The following CACNA1A variants were observed in gnomAD, a reference collection of about 807,000 sequenced individuals.
CACNA1A encodes calcium voltage-gated channel subunit alpha1 A.
CACNA1A carries 57 observed loss-of-function variants against 262.4 expected under a neutral mutation model. That is an observed-to-expected ratio of 0.22 (90% confidence interval 0.18 to 0.27). CACNA1A has a LOEUF of 0.27. Ranked by LOEUF, CACNA1A falls within the 10% of genes least tolerant of loss-of-function variation. The probability of loss-of-function intolerance (pLI) is 1.00; values close to 1 mark genes in which losing one functional copy is unlikely to be tolerated. For synonymous variants in CACNA1A, 1,431 were observed against 1,419.3 expected, an observed-to-expected ratio of 1.01 and a Z score of -0.18; for missense variants, 2,526 against 3,562.8, an observed-to-expected ratio of 0.71 and a Z score of 7.41.
intron 36 of CACNA1A, among the ~76,000 whole-genome samples, chr19:13,228,127 C>G (rs940066357): frequency 1.3e-5 from 2 of 151,970 alleles, no homozygotes; most frequent in Non-Finnish European, 2.9e-5. Context: ...AGGCTGGTCT[C>G]AAACTCCTGG....
At chr19:13,501,860 G>A (rs779588297) in intron 1 of CACNA1A, among the ~76,000 whole-genome samples, 1 of 152,138 alleles carries the variant, frequency 6.6e-6, no homozygotes, top group Non-Finnish European at 1.5e-5. Context: ...ATATGAGCTC[G>A]TCTTTTGGTT....
chr19:13,446,006 G>A (rs553612080), intron 3 of CACNA1A, among the ~76,000 whole-genome samples: 19 of 152,302 alleles, frequency 1.2e-4, no homozygotes, highest in Non-Finnish European at 2.1e-4. Flanking sequence ...CGGGCACGGT[G>A]GCTCATGCCT....
intron 1 of CACNA1A, among the ~76,000 whole-genome samples, chr19:13,477,293 T>C (rs1180517125): frequency 6.6e-6 from 1 of 152,220 alleles, no homozygotes; most frequent in Non-Finnish European, 1.5e-5. Flanking sequence ...TCTCTTCCCA[T>C]TACCCTTATA....
At chr19:13,439,315 A>G (rs899570534) in intron 3 of CACNA1A, among the ~76,000 whole-genome samples, 1 of 150,972 alleles carries the variant, frequency 6.6e-6, no homozygotes, top group Non-Finnish European at 1.5e-5. Context: ...TCACCATGTT[A>G]GCCAGGATGG....
chr19:13,361,280 C>T (rs1248311531), intron 5 of CACNA1A, among the ~76,000 whole-genome samples: 2 of 152,104 alleles, frequency 1.3e-5, no homozygotes, highest in Admixed American at 6.6e-5. Context: ...AACAGACACC[C>T]CTTTTGCTGG....
At chr19:13,334,787 C>T (rs2058534109) in intron 7 of CACNA1A, among the ~76,000 whole-genome samples, 1 of 151,996 alleles carries the variant, frequency 6.6e-6, no homozygotes, top group African/African-American at 2.4e-5. Flanking sequence ...GTAATCCCAG[C>T]ACTTTGTGAG....
chr19:13,477,887 T>C (rs1339068991), intron 1 of CACNA1A, among the ~76,000 whole-genome samples: 2 of 152,180 alleles, frequency 1.3e-5, no homozygotes, highest in Admixed American at 6.5e-5. Flanking sequence ...TCAACCCCAC[T>C]ATCTTTGCAC....
At chr19:13,378,810 G>C (rs1422274916) in intron 3 of CACNA1A, among the ~76,000 whole-genome samples, 1 of 151,546 alleles carries the variant, frequency 6.6e-6, no homozygotes, top group Non-Finnish European at 1.5e-5. Context: ...TGGGCTTATA[G>C]GTGTGCACCA....
chr19:13,373,433 G>A (rs2059357257), intron 3 of CACNA1A, among the ~76,000 whole-genome samples: 1 of 152,200 alleles, frequency 6.6e-6, no homozygotes, highest in African/African-American at 2.4e-5. Context: ...CAGGCCCAGG[G>A]AATGAACTTT....
chr19:13,472,606 T>C (rs1352393522), intron 1 of CACNA1A, among the ~76,000 whole-genome samples: 1 of 152,202 alleles, frequency 6.6e-6, no homozygotes, highest in Non-Finnish European at 1.5e-5. Context: ...TGCTGTTCCC[T>C]CTGCCTGGGA....
At chr19:13,407,796 G>C (rs2060038216) in intron 3 of CACNA1A, among the ~76,000 whole-genome samples, 1 of 152,104 alleles carries the variant, frequency 6.6e-6, no homozygotes, top group African/African-American at 2.4e-5. Flanking sequence ...TTAGAGACCA[G>C]CCTGGGTGAT....
Position 13,208,954 on chromosome 19 carries a change from C to A in CACNA1A, c.6582G>T (p.Glu2194Asp). Residue 2194 changes from glutamate to aspartate, a missense_variant, in exon 46 of 47, where the codon GAG becomes GAT. Around this residue, in one of 17 missense-constraint regions of CACNA1A, gnomAD observed 929 missense variants for 868.1 expected, o/e 1.07. Coordinates refer to ENST00000360228, the MANE Select transcript of CACNA1A (RefSeq NM_001127222.2). Reference protein sequence around the residue: ...TTQSGDLPSKERDQERGRPKD... With the variant: ...TTQSGDLPSKDRDQERGRPKD... ...TGGGCCGGCCCCGCTCCTGGTCCCG[C>A]TCCTTCGACGGCAGGTCCCCGGATT... The A allele has an allele frequency of 1.3e-6, 2 of 1,537,656 alleles. No individual in the cohort carries two copies. The highest frequency in any genetic ancestry group is 1.7e-6 in the Non-Finnish European group (2 of 1,146,914).
chr19:13,393,677 C>T (rs576951101), intron 3 of CACNA1A, among the ~76,000 whole-genome samples: 3 of 146,666 alleles, frequency 2.0e-5, no homozygotes, highest in African/African-American at 7.5e-5. Flanking sequence ...CTTTCTTTCT[C>T]TTTCTTTCCT....
intron 6 of CACNA1A, among the ~76,000 whole-genome samples, chr19:13,350,536 G>T (rs1379207233): frequency 6.6e-6 from 1 of 152,288 alleles, no homozygotes; most frequent in South Asian, 2.1e-4. Context: ...GCAAACCGCA[G>T]AATCAGTGAC....
rs867815193 is a variant in CACNA1A, at chr19:13,416,684, G to A, written c.539+36192C>T. 3.9e-5 allele frequency among the ~76,000 whole-genome samples: 6 copies of A among 152,076 alleles called. No individual in the cohort carries two copies. The South Asian group carries it at 1.3e-3, about 32-fold the overall frequency. On this transcript the variant is annotated intron_variant, in intron 3 of 46. Transcript: ENST00000360228. ...CAAAAAATTAGCTGGGCGTGTTGGCGGGCGCCTGTAATCCCAGCTACTCAG... is the reference window on the plus strand; with the variant it reads ...CAAAAAATTAGCTGGGCGTGTTGGCAGGCGCCTGTAATCCCAGCTACTCAG...
At chr19:13,299,960 G>T (rs191637970) in intron 18 of CACNA1A, among the ~76,000 whole-genome samples, 1 of 152,162 alleles carries the variant, frequency 6.6e-6, no homozygotes. Context: ...CAGATGCACC[G>T]TTCACAATAG....
At position 13,261,537 on chromosome 19, in the gene CACNA1A, A is replaced by G; in HGVS notation, c.4163T>C (p.Phe1388Ser). 1 of 1,605,704 alleles carries G rather than the reference A, an allele frequency of 6.2e-7. No homozygotes were observed. The highest frequency in any genetic ancestry group is 8.5e-7 in the Non-Finnish European group (1 of 1,176,152). Reference protein sequence around the residue: ...NILIVYMLFMFIFAVVAVQLF... With the variant: ...NILIVYMLFMSIFAVVAVQLF... The stretch of plus-strand genomic sequence containing the variant: ...CTGCACAGCCACCACGGCGAAGATG[A>G]ACATGAATAGCATGTAGACGATGAG... Residue 1388 changes from phenylalanine to serine, a missense_variant, in exon 26 of 47, where the codon TTC becomes TCC. Phe to Ser is a radical substitution (Grantham distance 155). Transcript: ENST00000360228.
chr19:13,209,396 T>C lies in CACNA1A; in HGVS notation c.6442A>G (p.Asn2148Asp). ...CGGCGCCGCTGGTGGTGCCGCTGGT[T>C]CTCCTCGGGCGGGACCCGCTCCAGC... ...YSLERVPPEE[N>D]QRHHQRRRDR... The change falls in exon 45 of 47, where the codon AAC becomes GAC. Residue 2148 changes from asparagine (N) to aspartate (D), a missense_variant. This residue lies in a region of CACNA1A where 929 missense variants were observed against 868.1 expected (regional missense o/e 1.07). Coordinates refer to ENST00000360228, the MANE Select transcript of CACNA1A (RefSeq NM_001127222.2). The C allele has an allele frequency of 7.2e-7, 1 of 1,398,202 alleles. No individual in the cohort carries two copies. Among genetic ancestry groups the C allele is most frequent in the African/African-American group, 1.5e-5 (1 of 67,548 alleles). The allele number at this position is 1,398,202 out of a possible 1,614,324, so 86.6% of individuals were successfully genotyped here. A position where few individuals can be genotyped will look rare whatever the true frequency, so the allele number is the denominator to read the frequency against.
chr19:13,380,834 C>T (rs2059512508), intron 3 of CACNA1A, among the ~76,000 whole-genome samples: 2 of 150,956 alleles, frequency 1.3e-5, no homozygotes, highest in Admixed American at 1.3e-4. Context: ...AGTGCAGTGG[C>T]TCAATCTTGG....
Sources: gnomAD v4.1 joint callset for allele counts (sites outside exome capture counted in the v4.1 genomes callset) on GRCh38, gnomAD v4.1.1 for gene constraint, gnomAD v4.1.1 regional missense constraint, MANE v1.5 for transcripts, NCBI Gene and HGNC (gene_info 2026-07-23, HGNC 2026-07-21) for gene names.